EPHA6: variants seen among roughly 807,000 people sequenced by gnomAD.
EPHA6 encodes the protein EPH receptor A6.
In EPHA6, 50 loss-of-function variants were observed where a neutral mutation model predicts 112.0. The observed-to-expected ratio is 0.45, with a 90% CI of 0.36 to 0.56. The LOEUF (loss-of-function observed/expected upper bound fraction) is 0.56. Among genes scored for constraint, EPHA6 ranks in the 20% least tolerant of loss-of-function variants. The probability of loss-of-function intolerance (pLI) is 0.00; values close to 1 mark genes in which losing one functional copy is unlikely to be tolerated. For synonymous variants in EPHA6, 529 were observed against 490.7 expected, an observed-to-expected ratio of 1.08 and a Z score of -1.03; for missense variants, 1,280 against 1,417.4, an observed-to-expected ratio of 0.90 and a Z score of 1.56.
intron 3 of EPHA6, among the ~76,000 whole-genome samples, chr3:97,205,867 A>G (rs2077702336): frequency 6.6e-6 from 1 of 152,106 alleles, no homozygotes. Context: ...AAATTGCATT[A>G]TGCATCATCT....
intron 5 of EPHA6, among the ~76,000 whole-genome samples, chr3:97,363,496 A>G (rs2084524097): frequency 6.6e-6 from 1 of 151,680 alleles, no homozygotes; most frequent in Admixed American, 6.6e-5. Flanking sequence ...TCAATGTTGC[A>G]ATCCACAGTG....
At chr3:97,309,351 A>G (rs1004689067) in intron 5 of EPHA6, among the ~76,000 whole-genome samples, 1 of 151,640 alleles carries the variant, frequency 6.6e-6, no homozygotes, top group African/African-American at 2.4e-5. Context: ...TTTCCCAATC[A>G]TTTAATTGGT....
chr3:97,437,051 C>A (rs570681461), intron 6 of EPHA6, among the ~76,000 whole-genome samples: 11 of 142,848 alleles, frequency 7.7e-5, no homozygotes, highest in African/African-American at 2.9e-4. Context: ...TTTTTTTTTG[C>A]GATTTTTCTT....
intron 3 of EPHA6, among the ~76,000 whole-genome samples, chr3:97,212,968 A>G (rs2077918837): frequency 6.6e-6 from 1 of 152,202 alleles, no homozygotes; most frequent in African/African-American, 2.4e-5. Context: ...TCTTCTCTAC[A>G]TAACCAGAAG....
intron 5 of EPHA6, among the ~76,000 whole-genome samples, chr3:97,312,211 T>C: frequency 6.6e-6 from 1 of 151,602 alleles, no homozygotes; most frequent in East Asian, 1.9e-4. Flanking sequence ...TGTACACAAT[T>C]ATTCCATCTG....
chr3:97,424,728 C>T (rs539506408), intron 6 of EPHA6, among the ~76,000 whole-genome samples: 68 of 151,216 alleles, frequency 4.5e-4, no homozygotes, highest in African/African-American at 1.6e-3. Context: ...ATCACTTGAA[C>T]CCAGGAGGCA....
rs143291262 is a variant in EPHA6 at position 97,580,686 on chromosome 3, G to A, written c.2387-11926G>A. On this transcript the variant is annotated intron_variant, in intron 11 of 17. Transcript: ENST00000389672. ...TGCCCAGTTTTAATGTGACTAAACA[G>A]TCATAAAGTCAGGCTTCTTTGAGTC... Among the ~76,000 whole-genome samples, 311 of 152,292 alleles carry A rather than the reference G, an allele frequency of 2.0e-3. 1 individual carries two copies. Among genetic ancestry groups the A allele is most frequent in the Non-Finnish European group, 3.5e-3 (240 of 68,024 alleles).
rs540215286 is a variant in EPHA6 at position 96,888,733 on chromosome 3, T to G, written c.450+21844T>G. On this transcript the variant is annotated intron_variant, in intron 2 of 17. Transcript: ENST00000389672. ...CTGGGCCTGTGATGGGAGGAGCTGC[T>G]GTAAAGACCCCTGACATGGTCTGGA... is the stretch of plus-strand genomic sequence containing the variant. 3.3e-5 allele frequency among the ~76,000 whole-genome samples: 5 copies of G among 152,280 alleles called. No individual in the cohort carries two copies. The East Asian group carries it at 9.7e-4, about 29-fold the overall frequency.
intron 2 of EPHA6, among the ~76,000 whole-genome samples, chr3:96,979,245 T>A (rs922473696): frequency 7.4e-6 from 1 of 135,440 alleles, no homozygotes; most frequent in Non-Finnish European, 1.6e-5. Context: ...TGTGTGATGT[T>A]CCCCTTCCTG....
chr3:96,884,354 G>A (rs916059131), intron 2 of EPHA6, among the ~76,000 whole-genome samples: 2 of 152,142 alleles, frequency 1.3e-5, no homozygotes, highest in African/African-American at 4.8e-5. Context: ...CCATGAGCAC[G>A]GGATGTGTTT....
chr3:97,294,090 G>A (rs1270805439), intron 5 of EPHA6, among the ~76,000 whole-genome samples: 1 of 152,238 alleles, frequency 6.6e-6, no homozygotes, highest in Admixed American at 6.5e-5. Flanking sequence ...GCCTGTGGGA[G>A]CAGGAGAGGC....
At chr3:97,445,724 A>G (rs1348240805) in intron 6 of EPHA6, among the ~76,000 whole-genome samples, 1 of 151,928 alleles carries the variant, frequency 6.6e-6, no homozygotes, top group Non-Finnish European at 1.5e-5. Flanking sequence ...AGAGGGGAAA[A>G]AGCCAAAAAT....
chr3:97,294,796 T>C (rs903584393), intron 5 of EPHA6, among the ~76,000 whole-genome samples: 1 of 152,206 alleles, frequency 6.6e-6, no homozygotes, highest in African/African-American at 2.4e-5. Context: ...CTAGTAGTAG[T>C]GAATTCCCTT....
intron 3 of EPHA6, among the ~76,000 whole-genome samples, chr3:97,180,154 G>A (rs552648286): frequency 1.8e-4 from 27 of 152,074 alleles, no homozygotes; most frequent in Middle Eastern, 3.4e-3. Flanking sequence ...GCAGAGGAGC[G>A]TTCGTTTGTA....
intron 5 of EPHA6, among the ~76,000 whole-genome samples, chr3:97,363,183 TA>T (rs2084476935): frequency 2.2e-4 from 1 of 4,514 alleles, no homozygotes; most frequent in Non-Finnish European, 5.3e-4. Flanking sequence ...TATATATATA[TA>T]TATATATATA....
At chr3:97,508,386 G>T (rs776995677) in intron 10 of EPHA6, among the ~76,000 whole-genome samples, 2 of 152,136 alleles carry the variant, frequency 1.3e-5, no homozygotes, top group African/African-American at 2.4e-5. Context: ...TTGTTTCAAA[G>T]AACTTATTTA....
chr3:97,470,483 T>C (rs1173772135), intron 7 of EPHA6, among the ~76,000 whole-genome samples: 1 of 151,636 alleles, frequency 6.6e-6, no homozygotes, highest in Non-Finnish European at 1.5e-5. Context: ...AGAATACAAA[T>C]AACAGATTTT....
chr3:97,589,069 T>C (rs2093518354), intron 11 of EPHA6, among the ~76,000 whole-genome samples: 1 of 152,156 alleles, frequency 6.6e-6, no homozygotes, highest in African/African-American at 2.4e-5. Context: ...GGGAGCCTCA[T>C]GTGGCCCAGG....
At chr3:97,662,378 G>GA (rs1028361090) in intron 14 of EPHA6, among the ~76,000 whole-genome samples, 6 of 152,156 alleles carry the variant, frequency 3.9e-5, no homozygotes, top group Non-Finnish European at 7.3e-5. Flanking sequence ...AAAGGGCTTG[G>GA]AGGTGCCCTA....
Sources: gnomAD v4.1 joint callset for allele counts (sites outside exome capture counted in the v4.1 genomes callset) on GRCh38, gnomAD v4.1.1 for gene constraint, MANE v1.5 for transcripts, NCBI Gene and HGNC (gene_info 2026-07-23, HGNC 2026-07-21) for gene names.